The following AK5 variants were observed in gnomAD, a reference collection of about 807,000 sequenced individuals.
The protein encoded by AK5 is adenylate kinase isoenzyme 5.
A neutral mutation model predicts 69.5 loss-of-function variants in AK5; 27 were observed. The observed-to-expected ratio is 0.39, with a 90% confidence interval of 0.29 to 0.54. AK5 has a LOEUF of 0.54. Among genes scored for constraint, AK5 ranks in the 20% least tolerant of loss-of-function variants. The pLI, the probability that AK5 is intolerant of heterozygous loss-of-function variation, is 0.71. For synonymous variants in AK5, 260 were observed against 244.4 expected (o/e 1.06, Z -0.60); for missense variants, 531 against 700.4 (o/e 0.76, Z 2.73).
Position 77,433,878 on chromosome 1 carries a change from T to C in AK5, c.1059+16163T>C, listed in dbSNP as rs1651795532. The stretch of plus-strand genomic sequence containing the variant: ...AAATTTATTAGTTTCTTCATTAGAG[T>C]TCTGAAAATTTTTATTTAGTACATA... On this transcript the variant is annotated intron_variant, in intron 8 of 13. Transcript: ENST00000354567. Among the ~76,000 whole-genome samples, 5 of 151,816 alleles carry C rather than the reference T, an allele frequency of 3.3e-5. No homozygotes were observed. In the South Asian group the frequency reaches 1.0e-3, roughly 31 times the overall value.
chr1:77,315,255 C>T (rs143949320), intron 5 of AK5, among the ~76,000 whole-genome samples: 17 of 152,132 alleles, frequency 1.1e-4, no homozygotes, highest in East Asian at 7.7e-4. Context: ...TGTATAGATT[C>T]TTGCTCTCAC....
chr1:77,459,479 T>C (rs935642588), intron 8 of AK5, among the ~76,000 whole-genome samples: 4 of 152,170 alleles, frequency 2.6e-5, no homozygotes, highest in Admixed American at 6.5e-5. Context: ...CTCATCTGCT[T>C]AACCCAGTGG....
At chr1:77,515,651 A>G (rs1279906761) in intron 10 of AK5, among the ~76,000 whole-genome samples, 1 of 152,210 alleles carries the variant, frequency 6.6e-6, no homozygotes. Flanking sequence ...CGCTGTTTAC[A>G]GCATTGGCTC....
chr1:77,397,374 G>A (rs937484217), intron 6 of AK5, among the ~76,000 whole-genome samples: 10 of 152,134 alleles, frequency 6.6e-5, no homozygotes, highest in African/African-American at 1.7e-4. Context: ...GTCTCTTGGC[G>A]CTTCCTCCGT....
intron 13 of AK5, among the ~76,000 whole-genome samples, chr1:77,542,398 T>C (rs1659326181): frequency 6.6e-6 from 1 of 152,050 alleles, no homozygotes; most frequent in Admixed American, 6.5e-5. Flanking sequence ...CAAAACAGAA[T>C]GCATTGTTGG....
chr1:77,298,561 C>T (rs566479994), intron 5 of AK5, among the ~76,000 whole-genome samples: 43 of 151,418 alleles, frequency 2.8e-4, no homozygotes, highest in Non-Finnish European at 5.0e-4. Flanking sequence ...CCCAACACTT[C>T]GGAAGGCTGA....
intron 6 of AK5, among the ~76,000 whole-genome samples, chr1:77,350,813 G>A (rs1662154676): frequency 1.3e-5 from 2 of 152,150 alleles, no homozygotes; most frequent in South Asian, 2.1e-4. Context: ...GGAAGGAAAG[G>A]GAATGTAATC....
At chr1:77,470,286 C>G (rs975732052) in intron 8 of AK5, among the ~76,000 whole-genome samples, 13 of 152,196 alleles carry the variant, frequency 8.5e-5, no homozygotes, top group African/African-American at 1.9e-4. Context: ...GGGAGGATCA[C>G]TTGAGCTCAG....
intron 8 of AK5, among the ~76,000 whole-genome samples, chr1:77,448,323 TA>T (rs1039821214): frequency 5.3e-4 from 81 of 152,172 alleles, no homozygotes; most frequent in African/African-American, 2.0e-3. Flanking sequence ...CCAAAGCCCA[TA>T]AAAATCTCAG....
chr1:77,427,545 C>G (rs1651296268), intron 8 of AK5, among the ~76,000 whole-genome samples: 1 of 152,108 alleles, frequency 6.6e-6, no homozygotes, highest in Non-Finnish European at 1.5e-5. Context: ...TTTTACCAAA[C>G]ATTTAAGGAA....
At chr1:77,379,462 T>A (rs939345574) in intron 6 of AK5, among the ~76,000 whole-genome samples, 1 of 152,226 alleles carries the variant, frequency 6.6e-6, no homozygotes, top group East Asian at 1.9e-4. Context: ...CCTAGGACTC[T>A]GCACAGATTT....
At chr1:77,347,789 A>G (rs1355424352) in intron 6 of AK5, among the ~76,000 whole-genome samples, 1 of 152,208 alleles carries the variant, frequency 6.6e-6, no homozygotes, top group Non-Finnish European at 1.5e-5. Flanking sequence ...AAGAACAAGC[A>G]GATACCACAT....
chr1:77,384,547 C>A (rs1012455627), intron 6 of AK5, among the ~76,000 whole-genome samples: 2 of 152,108 alleles, frequency 1.3e-5, no homozygotes, highest in African/African-American at 4.8e-5. Flanking sequence ...TCGATCAGAT[C>A]AGAGAGATTC....
chr1:77,433,194 G>A (rs1336518003), intron 8 of AK5, among the ~76,000 whole-genome samples: 2 of 152,160 alleles, frequency 1.3e-5, no homozygotes, highest in Admixed American at 6.5e-5. Context: ...AGATCTACAG[G>A]TAGAAGAGAA....
At chr1:77,315,696 G>A (rs1005805206) in intron 5 of AK5, among the ~76,000 whole-genome samples, 3 of 152,122 alleles carry the variant, frequency 2.0e-5, no homozygotes, top group Non-Finnish European at 2.9e-5. Context: ...CTATGTAGGC[G>A]ACAGGTGACT....
rs146910930 is a variant in AK5, at chr1:77,517,294, A to G, written c.1148-1270A>G. ...CAAAGCCCCTCCGATTCTGACATGC[A>G]GAGGTGGAGTGATTGCCATACGCCA... On this transcript the variant is annotated intron_variant, in intron 10 of 13. Coordinates refer to ENST00000354567, the MANE Select transcript of AK5 (RefSeq NM_174858.3). Among the ~76,000 whole-genome samples the G allele has an allele frequency of 1.9e-3, 284 of 152,286 alleles. 1 individual carries two copies. Among genetic ancestry groups the G allele is most frequent in the African/African-American group, 6.3e-3 (260 of 41,564 alleles).
chr1:77,541,836 C>T (rs1289332842), intron 13 of AK5, among the ~76,000 whole-genome samples: 1 of 152,202 alleles, frequency 6.6e-6, no homozygotes, highest in African/African-American at 2.4e-5. Flanking sequence ...TTCCCAGCTC[C>T]AGATTCCTGA....
intron 6 of AK5, among the ~76,000 whole-genome samples, chr1:77,368,250 TATAA>T (rs1258207317): frequency 4.0e-5 from 3 of 75,246 alleles, no homozygotes; most frequent in Admixed American, 1.8e-4. Context: ...TATATATATA[TATAA>T]TATATATGTT....
At chr1:77,342,370 G>C (rs915289395) in intron 6 of AK5, among the ~76,000 whole-genome samples, 1 of 152,198 alleles carries the variant, frequency 6.6e-6, no homozygotes, top group Admixed American at 6.5e-5. Context: ...CACAAGCAGA[G>C]CAGATTTCTC....
Sources: gnomAD v4.1 joint callset for allele counts (sites outside exome capture counted in the v4.1 genomes callset) on GRCh38, gnomAD v4.1.1 for gene constraint, MANE v1.5 for transcripts, NCBI Gene and HGNC (gene_info 2026-07-23, HGNC 2026-07-21) for gene names.